Variants in IFT88 observed in about 807,000 individuals in gnomAD.
IFT88 encodes intraflagellar transport 88, also known as intraflagellar transport protein 88 homolog.
Under a neutral mutation model 119.5 loss-of-function variants are expected in IFT88, and 74 were observed. The observed-to-expected ratio is 0.62, with a 90% confidence interval of 0.51 to 0.75. IFT88 has a LOEUF of 0.75. Ranked by LOEUF, IFT88 falls within the 30% of genes least tolerant of loss-of-function variation. The probability of loss-of-function intolerance (pLI) is 0.00; values close to 1 mark genes in which losing one functional copy is unlikely to be tolerated. For synonymous variants in IFT88, 279 were observed against 316.7 expected (o/e 0.88, Z 1.26); for missense variants, 961 against 977.7 (o/e 0.98, Z 0.23).
At position 20,641,786 on chromosome 13, in the gene IFT88, A is replaced by G. The variant is rs192115974; in HGVS notation, c.1682+388A>G. 2.6e-5 allele frequency: 4 copies of G among 156,266 alleles called. No individual in the cohort carries two copies. The East Asian group carries it at 5.6e-4, about 22-fold the overall frequency. 9.7% of individuals were successfully genotyped at this position (156,266 alleles called of 1,614,324 possible). On this transcript the variant is annotated intron_variant, in intron 18 of 25. Coordinates refer to ENST00000351808, the MANE Select transcript of IFT88 (RefSeq NM_006531.5). ...AATAAAATACTGTTTATTACTGATT[A>G]CTATTGATTGAATTTGGATAATTTT...
intron 16 of IFT88, among the ~76,000 whole-genome samples, chr13:20,637,634 C>A (rs2049221300): frequency 6.6e-6 from 1 of 152,116 alleles, no homozygotes; most frequent in Non-Finnish European, 1.5e-5. Flanking sequence ...GAAGCTGGTA[C>A]CCATGGACAC....
chr13:20,674,020 C>T (rs1265334801), intron 24 of IFT88, among the ~76,000 whole-genome samples: 9 of 152,112 alleles, frequency 5.9e-5, no homozygotes, highest in Non-Finnish European at 1.0e-4. Context: ...ATGCATCATC[C>T]CAGACTTTTT....
At chr13:20,614,940 T>C (rs1318539400) in intron 13 of IFT88, among the ~76,000 whole-genome samples, 2 of 150,524 alleles carry the variant, frequency 1.3e-5, no homozygotes, top group African/African-American at 2.4e-5. Flanking sequence ...CTCAGCCTCC[T>C]TAGTAGCTGG....
chr13:20,670,856 T>C, intron 23 of IFT88, 117 bp from the exon 24 acceptor site: 1 of 634,684 alleles, frequency 1.6e-6, no homozygotes, highest in African/African-American at 1.9e-5. Flanking sequence ...CTCTCAGGTA[T>C]GATGGGTTAG....
chr13:20,649,933 G>C (rs1201558332), intron 20 of IFT88, among the ~76,000 whole-genome samples: 1 of 151,916 alleles, frequency 6.6e-6, no homozygotes, highest in Admixed American at 6.6e-5. Context: ...AACTCAAGAA[G>C]AAATAAAAAT....
chr13:20,670,523 CTTTTT>C (rs56143632), intron 23 of IFT88, among the ~76,000 whole-genome samples: 2 of 94,984 alleles, frequency 2.1e-5, no homozygotes, highest in African/African-American at 7.8e-5. Context: ...CTCAGCTTAC[CTTTTT>C]TTTTTTTTTT....
Position 20,598,744 on chromosome 13 carries a change from A to G in IFT88, c.688A>G (p.Ser230Gly). ...AGTTATAGTCAAAAATAAGATGTTT[A>G]GCAATGCAGGTAAGTGTACATAATC... ...YQVIVKNKMF[S>G]NAGILKMNMG... Residue 230 changes from serine to glycine, a missense_variant, in exon 10 of 26, where the codon AGC becomes GGC. By Grantham distance (56) the Ser-to-Gly change is moderately conservative (BLOSUM62 0). Transcript: ENST00000351808. The G allele has an allele frequency of 6.3e-7, 1 of 1,589,382 alleles. No individual in the cohort carries two copies. Among genetic ancestry groups the G allele is most frequent in the Non-Finnish European group, 8.6e-7 (1 of 1,158,704 alleles).
At chr13:20,617,556 T>C (rs1190097726) in intron 14 of IFT88, among the ~76,000 whole-genome samples, 1 of 152,226 alleles carries the variant, frequency 6.6e-6, no homozygotes, top group Non-Finnish European at 1.5e-5. Flanking sequence ...ATCTTCAATT[T>C]GCTATTCCCT....
chr13:20,635,446 A>G lies in IFT88; in HGVS notation c.1387-2886A>G, dbSNP rs150575996. ...ACAGTCACTATCCTTAATGATTCTG[A>G]AACCTAGCAAAGCAGGTGTGGCCAG... On this transcript the variant is annotated intron_variant, in intron 16 of 25. Coordinates refer to ENST00000351808, the MANE Select transcript of IFT88 (RefSeq NM_006531.5). Among the ~76,000 whole-genome samples, 1,498 of 152,328 alleles carry G rather than the reference A, an allele frequency of 9.8e-3. 25 individuals carry two copies. Among genetic ancestry groups the G allele is most frequent in the African/African-American group, 0.034 (1,406 of 41,584 alleles).
intron 16 of IFT88, 98 bp downstream of exon 16, chr13:20,631,200 G>A: frequency 1.3e-6 from 1 of 786,778 alleles, no homozygotes; most frequent in Non-Finnish European, 2.2e-6. Flanking sequence ...AAAGAATATT[G>A]GTGGAGAATG....
At chr13:20,581,524 G>A (rs149670041) in intron 2 of IFT88, among the ~76,000 whole-genome samples, 5 of 152,104 alleles carry the variant, frequency 3.3e-5, no homozygotes, top group African/African-American at 1.2e-4. Flanking sequence ...GTTTCTATGG[G>A]TAACTGAGAA....
At chr13:20,602,746 G>A (rs916317568) in intron 12 of IFT88, among the ~76,000 whole-genome samples, 6 of 152,068 alleles carry the variant, frequency 3.9e-5, no homozygotes, top group African/African-American at 1.2e-4. Flanking sequence ...AGCTGGGTAT[G>A]GTGGTGGGCG....
chr13:20,663,711 A>T (rs2054190040), intron 23 of IFT88, 107 bp downstream of exon 23: 3 of 780,864 alleles, frequency 3.8e-6, no homozygotes, highest in South Asian at 1.9e-5. Flanking sequence ...CAGAGTTGAA[A>T]TTTTTTTCTG....
intron 24 of IFT88, among the ~76,000 whole-genome samples, chr13:20,687,022 CAAAAA>C (rs370247448): frequency 1.6e-3 from 97 of 59,794 alleles, no homozygotes; most frequent in African/African-American, 4.1e-3. Context: ...ACTTTCTTAC[CAAAAA>C]AAAAAAAAAA....
intron 13 of IFT88, among the ~76,000 whole-genome samples, chr13:20,611,366 A>G (rs1161021301): frequency 6.6e-6 from 1 of 151,448 alleles, no homozygotes; most frequent in Non-Finnish European, 1.5e-5. Flanking sequence ...TGTCTCTACA[A>G]AAAAATACAA....
chr13:20,598,536 G>A (rs1168376860), intron 9 of IFT88, 115 bp from the exon 10 acceptor site: 4 of 540,752 alleles, frequency 7.4e-6, no homozygotes, highest in East Asian at 2.8e-5. Flanking sequence ...AATTGGCTGA[G>A]TATCTTGATA....
intron 23 of IFT88, among the ~76,000 whole-genome samples, chr13:20,669,252 G>A (rs1294140927): frequency 6.6e-6 from 1 of 152,122 alleles, no homozygotes; most frequent in African/African-American, 2.4e-5. Context: ...CTAGATGAGT[G>A]CAGGGAACAG....
At chr13:20,609,736 T>A (rs2044141059) in intron 13 of IFT88, among the ~76,000 whole-genome samples, 1 of 151,846 alleles carries the variant, frequency 6.6e-6, no homozygotes, top group African/African-American at 2.4e-5. Context: ...AGAGTGAGAC[T>A]CTGTCTCAAA....
At chr13:20,674,720 A>AGG (rs2056408027) in intron 24 of IFT88, among the ~76,000 whole-genome samples, 5 of 28,422 alleles carry the variant, frequency 1.8e-4, no homozygotes, top group African/African-American at 7.6e-4. Context: ...ATATATATAT[A>AGG]TATATTTTTT....
Sources: allele counts gnomAD v4.1 joint callset (sites outside exome capture counted in the v4.1 genomes callset), GRCh38; gene constraint gnomAD v4.1.1; transcripts MANE v1.5; gene names NCBI Gene and HGNC (gene_info 2026-07-23, HGNC 2026-07-21).